Variants in ANO6 observed in about 807,000 individuals in gnomAD.
ANO6 encodes anoctamin-6.
A neutral mutation model predicts 117.5 loss-of-function variants in ANO6; 106 were observed. The ratio of observed to expected loss-of-function variants is 0.90; its 90% CI spans 0.77 to 1.06. The LOEUF (loss-of-function observed/expected upper bound fraction) is 1.06. Among genes scored for constraint, ANO6 ranks in the 50% least tolerant of loss-of-function variants. The pLI is 0.00. For missense variants in ANO6, 955 were observed against 1,121.1 expected, an observed-to-expected ratio of 0.85 and a Z score of 2.12; for synonymous variants, 367 against 385.1, an observed-to-expected ratio of 0.95 and a Z score of 0.55.
In ANO6 at chr12:45,302,020, A is replaced by C. The variant is rs1209990419; in HGVS notation, c.77A>C (p.Glu26Ala). The C allele has an allele frequency of 6.2e-7, 1 of 1,613,814 alleles. No individual in the cohort carries two copies. The highest frequency in any genetic ancestry group is 8.5e-7 in the Non-Finnish European group (1 of 1,179,862). The change falls in exon 2 of 20, where the codon GAA becomes GCA. Residue 26 changes from glutamate (E) to alanine (A), a missense_variant. By Grantham distance (107) the Glu-to-Ala change is moderately radical. Coordinates refer to ENST00000320560, the MANE Select transcript of ANO6 (RefSeq NM_001025356.3). ...EDDDDGDIVL[E>A]NLGQTIVPDL... is the part of the protein sequence containing the mutation. ...TATATTCATTCGTTTTTAGTGTTGG[A>C]AAACCTTGGACAGACAATTGTCCCC...
Position 45,270,271 on chromosome 12 carries a change from G to A in ANO6, c.71-31743G>A, listed in dbSNP as rs567606112. Among the ~76,000 whole-genome samples the A allele has an allele frequency of 4.6e-5, 7 of 152,308 alleles. No individual in the cohort carries two copies. In the East Asian group the frequency reaches 9.6e-4, roughly 21 times the overall value. On this transcript the variant is annotated intron_variant, in intron 1 of 19. Transcript: ENST00000320560. The stretch of plus-strand genomic sequence containing the variant: ...ATTTTGATGCACAGCAAGAGTTAAG[G>A]TTAACTGACATCTTAGCCATCCCAT...
chr12:45,221,063 G>A (rs919993755), intron 1 of ANO6, among the ~76,000 whole-genome samples: 5 of 151,862 alleles, frequency 3.3e-5, no homozygotes, highest in African/African-American at 4.9e-5. Flanking sequence ...CGGAAGTGGG[G>A]GGGGGCAGCC....
chr12:45,221,295 A>G (rs1164216188), intron 1 of ANO6, among the ~76,000 whole-genome samples: 2 of 152,206 alleles, frequency 1.3e-5, no homozygotes, highest in Non-Finnish European at 2.9e-5. Context: ...CTGCATCATC[A>G]GACAGAGATT....
intron 1 of ANO6, among the ~76,000 whole-genome samples, chr12:45,245,486 C>T (rs924736745): frequency 1.4e-5 from 2 of 147,898 alleles, no homozygotes; most frequent in South Asian, 2.1e-4. Context: ...TTAGTAGTGT[C>T]CATGGCTCTT....
chr12:45,326,965 G>A (rs4385954), intron 2 of ANO6, among the ~76,000 whole-genome samples: 2 of 152,146 alleles, frequency 1.3e-5, no homozygotes, highest in Non-Finnish European at 2.9e-5. Context: ...CCCCCACTTA[G>A]CAGTCTTCTC....
intron 3 of ANO6, among the ~76,000 whole-genome samples, chr12:45,340,071 G>A (rs1040506236): frequency 4.6e-5 from 7 of 152,022 alleles, no homozygotes; most frequent in African/African-American, 4.8e-5. Context: ...TGTGTAATTC[G>A]CAAGTAAGTC....
chr12:45,345,536 AG>A (rs1264791760), intron 3 of ANO6, among the ~76,000 whole-genome samples: 1 of 152,136 alleles, frequency 6.6e-6, no homozygotes, highest in African/African-American at 2.4e-5. Context: ...TATTCCACCC[AG>A]CGTTTTCAGC....
chr12:45,406,236 G>A (rs1227515136), intron 15 of ANO6, among the ~76,000 whole-genome samples: 2 of 152,214 alleles, frequency 1.3e-5, no homozygotes, highest in Non-Finnish European at 2.9e-5. Context: ...ATGAATAAGT[G>A]CCTTGTATGC....
chr12:45,289,674 T>G (rs1323254488), intron 1 of ANO6, among the ~76,000 whole-genome samples: 1 of 152,258 alleles, frequency 6.6e-6, no homozygotes, highest in Non-Finnish European at 1.5e-5. Context: ...AGTTAGAGTT[T>G]ATTTGTAGCT....
At chr12:45,275,596 C>T (rs564301114) in intron 1 of ANO6, among the ~76,000 whole-genome samples, 6 of 152,312 alleles carry the variant, frequency 3.9e-5, no homozygotes, top group Admixed American at 2.6e-4. Context: ...CAATCTGTTA[C>T]GTATGGTGTC....
chr12:45,221,059 T>TGG (rs35401353), intron 1 of ANO6, among the ~76,000 whole-genome samples: 9,126 of 149,168 alleles, frequency 0.061, 886 homozygotes, highest in African/African-American at 0.21. Flanking sequence ...GTGTCGGAAG[T>TGG]GGGGGGGGGC....
chr12:45,437,995 G>C (rs1943726989), intron 19 of ANO6, among the ~76,000 whole-genome samples: 1 of 152,174 alleles, frequency 6.6e-6, no homozygotes, highest in Non-Finnish European at 1.5e-5. Flanking sequence ...TAGCAAAAAA[G>C]ACCAGCGCAG....
In ANO6 at chr12:45,399,921, C is replaced by T. The variant is rs1280408869; in HGVS notation, c.1387-1874C>T. ...TTGAGGAAAAAGAATAAAAAGCTTC[C>T]TGCCCCTATGAAGAAATATTGAAGT... On this transcript the variant is annotated intron_variant, in intron 12 of 19. Transcript: ENST00000320560. Among the ~76,000 whole-genome samples the T allele has an allele frequency of 2.6e-5, 4 of 152,106 alleles. No homozygotes were observed. In the East Asian group the frequency reaches 7.7e-4, roughly 29 times the overall value.
intron 2 of ANO6, among the ~76,000 whole-genome samples, chr12:45,317,481 A>G (rs1592956370): frequency 6.6e-6 from 1 of 151,614 alleles, no homozygotes; most frequent in Non-Finnish European, 1.5e-5. Context: ...ATAGTATTCC[A>G]TGGTGTATAT....
chr12:45,353,263 A>T (rs1941329117), intron 7 of ANO6, among the ~76,000 whole-genome samples: 1 of 152,124 alleles, frequency 6.6e-6, no homozygotes, highest in South Asian at 2.1e-4. Flanking sequence ...ATTCATTTTT[A>T]TCACCGAGAT....
intron 2 of ANO6, among the ~76,000 whole-genome samples, chr12:45,308,491 A>G (rs1939749320): frequency 2.0e-5 from 3 of 151,974 alleles, no homozygotes; most frequent in African/African-American, 2.4e-5. Flanking sequence ...GGGGTGAGAC[A>G]CTCATCTGGA....
At chr12:45,221,974 TG>T (rs1427915843) in intron 1 of ANO6, among the ~76,000 whole-genome samples, 2 of 145,606 alleles carry the variant, frequency 1.4e-5, no homozygotes, top group African/African-American at 5.1e-5. Context: ...CTCCGCCTCT[TG>T]GATTCACTCC....
Position 45,430,508 on chromosome 12 carries a change from G to A in ANO6, c.*1197G>A. ...TTGCATCCTCCATCCTGTTACTCTG[G>A]GCCCAGTAATTTGATGTAACTGTCT... On this transcript the variant is annotated 3_prime_UTR_variant, in exon 20 of 20. Coordinates refer to ENST00000320560, the MANE Select transcript of ANO6 (RefSeq NM_001025356.3). 1.0e-6 allele frequency: 1 copy of A among 985,366 alleles called. No individual in the cohort carries two copies. The highest frequency in any genetic ancestry group is 1.2e-6 in the Non-Finnish European group (1 of 829,938). 61.0% of individuals were successfully genotyped at this position (985,366 alleles called of 1,614,324 possible).
chr12:45,308,992 C>G (rs961762434), intron 2 of ANO6, among the ~76,000 whole-genome samples: 1 of 152,102 alleles, frequency 6.6e-6, no homozygotes, highest in South Asian at 2.1e-4. Context: ...TAGAAAAAGT[C>G]GAGGGGCCCC....
Sources: gnomAD v4.1 joint callset for allele counts (sites outside exome capture counted in the v4.1 genomes callset) on GRCh38, gnomAD v4.1.1 for gene constraint, MANE v1.5 for transcripts, NCBI Gene and HGNC (gene_info 2026-07-23, HGNC 2026-07-21) for gene names.